OVCH1: variants seen among roughly 807,000 people sequenced by gnomAD.
OVCH1 encodes ovochymase-1.
OVCH1 carries 139 observed loss-of-function variants against 138.4 expected under a neutral mutation model. That is an observed-to-expected ratio of 1.00 (90% CI 0.87 to 1.16). The LOEUF is 1.16. Among genes scored for constraint, OVCH1 ranks in the 50% most tolerant of loss-of-function variants. The pLI, the probability that OVCH1 is intolerant of heterozygous loss-of-function variation, is 0.00. For synonymous variants in OVCH1, 453 were observed against 467.8 expected (o/e 0.97, Z 0.41); for missense variants, 1,367 against 1,357.9 (o/e 1.01, Z -0.11).
chr12:29,411,796 A>C (rs1007387450), downstream of OVCH1, among the ~76,000 whole-genome samples: 4 of 47,210 alleles, frequency 8.5e-5, no homozygotes, highest in African/African-American at 1.3e-4. Flanking sequence ...GTTCTCAGAT[A>C]TCCAGCTGCA....
chr12:29,410,186 T>C (rs1272615466), downstream of OVCH1, among the ~76,000 whole-genome samples: 2 of 142,962 alleles, frequency 1.4e-5, no homozygotes, highest in African/African-American at 4.9e-5. Flanking sequence ...TCCCTTTATT[T>C]TTGAGCCTAT....
At chr12:29,496,444 G>T in intron 2 of OVCH1, 112 bp downstream of exon 2, 1 of 1,145,234 alleles carries the variant, frequency 8.7e-7, no homozygotes, top group Non-Finnish European at 1.2e-6. Flanking sequence ...TTGGTAGAGA[G>T]CTAGAGGGGT....
In OVCH1 at chr12:29,477,663, A is replaced by AC. The variant is rs1262215147; in HGVS notation, c.1070-86dup. ...CTTTGCTATTCCAGTCTCCTTCTCA[A>AC]CCCCCCAGTCTCACATGTCCAAATT... On this transcript the variant is annotated intron_variant, in intron 9 of 27. Transcript: ENST00000318184. 30 of 1,491,236 alleles carry AC rather than the reference A, an allele frequency of 2.0e-5. No homozygotes were observed. In the East Asian group the frequency reaches 5.7e-4, roughly 29 times the overall value. 92.4% of individuals were successfully genotyped at this position (1,491,236 alleles called of 1,614,324 possible).
intron 12 of OVCH1, among the ~76,000 whole-genome samples, 186 bp from the exon 13 acceptor site, chr12:29,476,485 C>T (rs968807924): frequency 1.3e-5 from 2 of 152,024 alleles, no homozygotes; most frequent in African/African-American, 4.8e-5. Flanking sequence ...ATGTGCAAAC[C>T]CTTTGACCCA....
intron 14 of OVCH1, among the ~76,000 whole-genome samples, chr12:29,474,074 TACAC>T (rs146655743): frequency 0.011 from 1,541 of 145,268 alleles, 20 homozygotes; most frequent in Non-Finnish European, 0.014. Context: ...CACACACACA[TACAC>T]ACACACACAC....
the OVCH1 span, among the ~76,000 whole-genome samples, chr12:29,406,995 A>G: frequency 6.6e-6 from 1 of 151,298 alleles, no homozygotes; most frequent in Non-Finnish European, 1.5e-5. Context: ...AATGATTGCC[A>G]TTCTAACTGG....
chr12:29,424,569 C>G (rs544601231), downstream of OVCH1, among the ~76,000 whole-genome samples: 5 of 152,254 alleles, frequency 3.3e-5, 1 homozygote, highest in African/African-American at 1.2e-4. Context: ...AAAGTCCTGT[C>G]AGTGAAGGGA....
the OVCH1 span, among the ~76,000 whole-genome samples, chr12:29,402,557 A>G: frequency 2.6e-5 from 4 of 152,156 alleles, 1 homozygote; most frequent in East Asian, 7.7e-4. Context: ...AGGTTGGTTG[A>G]AAGAGAAAGA....
intron 26 of OVCH1, among the ~76,000 whole-genome samples, chr12:29,435,672 G>A (rs908110102): frequency 3.9e-5 from 6 of 152,054 alleles, no homozygotes; most frequent in African/African-American, 1.4e-4. Flanking sequence ...ACTTAAAAAG[G>A]GTATTGGTAA....
At chr12:29,463,758 G>A (rs953909101) in intron 18 of OVCH1, among the ~76,000 whole-genome samples, 2 of 152,138 alleles carry the variant, frequency 1.3e-5, no homozygotes, top group African/African-American at 4.8e-5. Context: ...GTGCAATTTG[G>A]CTTCAGGTAG....
intron 12 of OVCH1, 32 bp downstream of exon 12, chr12:29,477,063 CTATTCTT>C (rs1942760931): frequency 2.6e-6 from 4 of 1,529,798 alleles, no homozygotes; most frequent in Non-Finnish European, 8.8e-7. Flanking sequence ...TAACGTAACT[CTATTCTT>C]TATGAGGTAG....
At chr12:29,438,496 G>A (rs1041025016) in intron 26 of OVCH1, among the ~76,000 whole-genome samples, 2 of 152,006 alleles carry the variant, frequency 1.3e-5, no homozygotes, top group Non-Finnish European at 2.9e-5. Flanking sequence ...GGATTTAGTT[G>A]GAAAATATAT....
exon 14 of OVCH1, chr12:29,475,184 G>A (rs753640674): frequency 1.0e-5 from 15 of 1,461,736 alleles, no homozygotes; most frequent in Admixed American, 8.3e-5. Context: ...ATTCCACAAA[G>A]TTTAGCTGAA....
chr12:29,471,773 T>C (rs750807717), intron 16 of OVCH1, 29 bp downstream of exon 16: 11 of 1,582,092 alleles, frequency 7.0e-6, no homozygotes, highest in Admixed American at 5.4e-5. Context: ...ATGTGCTAAA[T>C]AGGTTGGTAA....
chr12:29,449,161 T>C (rs1941702462), intron 22 of OVCH1, among the ~76,000 whole-genome samples: 2 of 152,050 alleles, frequency 1.3e-5, no homozygotes, highest in African/African-American at 4.8e-5. Flanking sequence ...CCTCCCCTGC[T>C]CTATTTTTAA....
intron 27 of OVCH1, among the ~76,000 whole-genome samples, chr12:29,432,185 G>C (rs535660581): frequency 1.3e-5 from 2 of 152,218 alleles, no homozygotes; most frequent in South Asian, 4.1e-4. Context: ...GCATCTTGTA[G>C]GCACTATAAG....
At chr12:29,430,552 C>G (rs1941250731) in intron 27 of OVCH1, among the ~76,000 whole-genome samples, 1 of 152,170 alleles carries the variant, frequency 6.6e-6, no homozygotes, top group African/African-American at 2.4e-5. Flanking sequence ...AGGATTATGA[C>G]TGTCTCTGCT....
chr12:29,491,251 G>A, intron 4 of OVCH1, 59 bp from the exon 5 acceptor site: 10 of 1,366,688 alleles, frequency 7.3e-6, no homozygotes, highest in Non-Finnish European at 9.3e-6. Flanking sequence ...GAATATATTT[G>A]GAAAAGTGAA....
At chr12:29,475,649 A>G (rs1390969090) in intron 13 of OVCH1, among the ~76,000 whole-genome samples, 1 of 152,210 alleles carries the variant, frequency 6.6e-6, no homozygotes, top group East Asian at 1.9e-4. Flanking sequence ...CTAAATAAAT[A>G]TTCCAAACCA....
Sources: gnomAD v4.1 joint callset for allele counts (sites outside exome capture counted in the v4.1 genomes callset) on GRCh38, gnomAD v4.1.1 for gene constraint, MANE v1.5 for transcripts, NCBI Gene and HGNC (gene_info 2026-07-23, HGNC 2026-07-21) for gene names.